Variants in PPP2R3C observed in about 807,000 individuals in gnomAD.
The protein encoded by PPP2R3C is protein phosphatase 2 regulatory subunit B''gamma.
Under a neutral mutation model 63.7 loss-of-function variants are expected in PPP2R3C, and 47 were observed. That is an observed-to-expected ratio of 0.74 (90% CI 0.58 to 0.94). The LOEUF is 0.94. Among genes scored for constraint, PPP2R3C ranks in the 40% least tolerant of loss-of-function variants. The pLI, the probability that PPP2R3C is intolerant of heterozygous loss-of-function variation, is 0.00. For missense variants in PPP2R3C, 421 were observed against 518.4 expected (o/e 0.81, Z 1.82); for synonymous variants, 180 against 177.4 (o/e 1.01, Z -0.12).
At chr14:35,098,077 T>C (rs1237571841) in intron 7 of PPP2R3C, among the ~76,000 whole-genome samples, 4 of 152,200 alleles carry the variant, frequency 2.6e-5, no homozygotes, top group East Asian at 1.9e-4. Flanking sequence ...AAACGTGATA[T>C]TATTTTGTAA....
At chr14:35,122,039 C>T (rs2046922935), upstream of PPP2R3C, 7 of 1,527,472 alleles carry the variant, frequency 4.6e-6, no homozygotes, top group Middle Eastern at 1.7e-4. Context: ...TCAGCACCGC[C>T]AGGCCCCGTA....
At chr14:35,122,210 A>T (rs558326288), upstream of PPP2R3C, 1 of 501,766 alleles carries the variant, frequency 2.0e-6, no homozygotes, top group Non-Finnish European at 3.6e-6. Context: ...TTCAGAGGCG[A>T]CCCAAGCTCA....
chr14:35,096,513 T>G, intron 9 of PPP2R3C, 45 bp downstream of exon 9: 1 of 1,553,320 alleles, frequency 6.4e-7, no homozygotes. Flanking sequence ...ACCAATTTCC[T>G]GAAGAATGGA....
chr14:35,105,897 C>CAT (rs2046339039), intron 6 of PPP2R3C, among the ~76,000 whole-genome samples: 1 of 151,898 alleles, frequency 6.6e-6, no homozygotes. Flanking sequence ...GGTTGGAGTG[C>CAT]AGTGGCGTGA....
chr14:35,096,455 T>G, intron 9 of PPP2R3C, 103 bp downstream of exon 9: 1 of 1,022,016 alleles, frequency 9.8e-7, no homozygotes, highest in East Asian at 2.4e-5. Context: ...TAATTAAATA[T>G]TTTGATCTTA....
At chr14:35,098,351 T>TTTG (rs1475161099) in intron 7 of PPP2R3C, among the ~76,000 whole-genome samples, 10 of 125,110 alleles carry the variant, frequency 8.0e-5, no homozygotes, top group African/African-American at 2.7e-4. Flanking sequence ...GGCTAGTTTT[T>TTTG]TTTTTTTTTT....
chr14:35,112,590 G>GC (rs574174822), intron 2 of PPP2R3C, among the ~76,000 whole-genome samples: 6 of 151,996 alleles, frequency 3.9e-5, no homozygotes, highest in Non-Finnish European at 7.4e-5. Context: ...AAATTCTAAG[G>GC]CCCCCCAACC....
At chr14:35,100,786 C>T (rs1010835569) in intron 6 of PPP2R3C, 11 of 152,094 alleles carry the variant, frequency 7.2e-5, no homozygotes, top group African/African-American at 2.4e-4. Flanking sequence ...AGATGCACCA[C>T]CACACCCAGT....
chr14:35,112,701 C>A (rs1036835344), intron 2 of PPP2R3C, among the ~76,000 whole-genome samples: 5 of 152,172 alleles, frequency 3.3e-5, no homozygotes, highest in African/African-American at 9.7e-5. Context: ...CCTCGTTATA[C>A]CTCTCTGGCA....
intron 2 of PPP2R3C, among the ~76,000 whole-genome samples, chr14:35,111,310 ACCAC>A (rs1009285194): frequency 6.6e-6 from 1 of 152,024 alleles, no homozygotes; most frequent in African/African-American, 2.4e-5. Context: ...CAATTTCAAA[ACCAC>A]CTTTGCAAAA....
intron 10 of PPP2R3C, among the ~76,000 whole-genome samples, chr14:35,094,490 A>C (rs536768769): frequency 6.6e-6 from 1 of 152,118 alleles, no homozygotes; most frequent in South Asian, 2.1e-4. Context: ...TTAAAAAAAA[A>C]AAAAAACTAG....
chr14:35,110,470 G>A, intron 3 of PPP2R3C, 55 bp downstream of exon 3: 1 of 1,198,648 alleles, frequency 8.3e-7, no homozygotes, highest in South Asian at 1.3e-5. Context: ...CATGATTTAA[G>A]TAGCACAAAT....
At chr14:35,120,802 C>T (rs2046856364) in intron 1 of PPP2R3C, among the ~76,000 whole-genome samples, 1 of 151,950 alleles carries the variant, frequency 6.6e-6, no homozygotes, top group African/African-American at 2.4e-5. Context: ...AAAAATTAGC[C>T]GGGTGTGGTG....
chr14:35,120,207 G>A (rs1197632592), intron 1 of PPP2R3C, among the ~76,000 whole-genome samples: 10 of 151,234 alleles, frequency 6.6e-5, no homozygotes, highest in Admixed American at 6.6e-4. Flanking sequence ...GGGGCTGAAA[G>A]AAATGTTAAG....
intron 7 of PPP2R3C, chr14:35,098,954 G>A (rs1015813725): frequency 1.5e-5 from 3 of 200,900 alleles, no homozygotes; most frequent in African/African-American, 7.0e-5. Context: ...CCTAGAACTG[G>A]AAGGAGGTAT....
intron 11 of PPP2R3C, among the ~76,000 whole-genome samples, chr14:35,090,237 GTTTTTTTTTT>G (rs34745484): frequency 2.6e-5 from 3 of 116,902 alleles, no homozygotes; most frequent in Admixed American, 9.7e-5. Context: ...GGTAGTTGTA[GTTTTTTTTTT>G]TTTTTTTTTT....
chr14:35,116,685 T>G lies in PPP2R3C; in HGVS notation c.111A>C (p.Lys37Asn), dbSNP rs964968930. 13 of 1,597,278 alleles carry G rather than the reference T, an allele frequency of 8.1e-6. No homozygotes were observed. In the African/African-American group the frequency reaches 1.7e-4, roughly 21 times the overall value. Residue 37 changes from lysine (K) to asparagine (N), a missense_variant, in exon 2 of 13, where the codon AAA (lysine) becomes AAC (asparagine). Lys to Asn is a moderately conservative substitution (Grantham distance 94, BLOSUM62 0). This residue lies in a region of PPP2R3C where 143 missense variants were observed against 151.2 expected (regional missense o/e 0.95). Coordinates refer to ENST00000261475, the MANE Select transcript of PPP2R3C (RefSeq NM_017917.4). ...TACCTCCTTTCCATTCGGAGTAATA[T>G]TTTGTAAATAAATCCATTTCTTCAT... Reference protein sequence around the residue: ...LKDEEMDLFTKYYSEWKGGRK... With the variant: ...LKDEEMDLFTNYYSEWKGGRK...
chr14:35,110,674 G>T, intron 2 of PPP2R3C, 45 bp from the exon 3 acceptor site: 1 of 1,317,798 alleles, frequency 7.6e-7, no homozygotes, highest in Non-Finnish European at 1.1e-6. Context: ...TTAGACTACT[G>T]GATCCTATAA....
chr14:35,089,650 G>A (rs79702597), intron 11 of PPP2R3C, among the ~76,000 whole-genome samples: 27,223 of 151,710 alleles, frequency 0.18, 2,604 homozygotes, highest in East Asian at 0.37. Flanking sequence ...CACCATGCCT[G>A]GGGTATGATT....
Sources: gnomAD v4.1 joint callset for allele counts (sites outside exome capture counted in the v4.1 genomes callset) on GRCh38, gnomAD v4.1.1 for gene constraint, gnomAD v4.1.1 regional missense constraint, MANE v1.5 for transcripts, NCBI Gene and HGNC (gene_info 2026-07-23, HGNC 2026-07-21) for gene names.